The following PDE4A variants were observed in gnomAD, a reference collection of about 807,000 sequenced individuals.
PDE4A encodes the protein 3',5'-cyclic-AMP phosphodiesterase 4A.
In PDE4A, 21 loss-of-function variants were observed where a neutral mutation model predicts 73.9. The observed-to-expected ratio is 0.28, with a 90% CI of 0.20 to 0.41. The LOEUF (loss-of-function observed/expected upper bound fraction) is 0.41. Among genes scored for constraint, PDE4A ranks in the 10% least tolerant of loss-of-function variants. The pLI, the probability that PDE4A is intolerant of heterozygous loss-of-function variation, is 1.00. For missense variants in PDE4A, 958 were observed against 1,211.4 expected (o/e 0.79, Z 3.10); for synonymous variants, 463 against 505.4 (o/e 0.92, Z 1.13).
At position 10,467,159 on chromosome 19, in the gene PDE4A, A is replaced by G. The variant is rs775611306; in HGVS notation, c.2199A>G (p.Ala733=). 5.6e-6 allele frequency: 9 copies of G among 1,614,060 alleles called. No individual in the cohort carries two copies. The highest frequency in any genetic ancestry group is 2.7e-5 in the African/African-American group (2 of 74,928). Residue 733 remains alanine, a synonymous_variant, in exon 15 of 15, where the codon GCA becomes GCG. Transcript: ENST00000380702. ...AGATACCGTGCACAGCCCAAGAGGC[A>G]TTGACTGCGCAGGGATTGTCAGGAG... is the stretch of plus-strand genomic sequence containing the variant. The part of the protein sequence containing the change: ...MAQIPCTAQE[A]LTAQGLSGVE...
In PDE4A at chr19:10,461,908, C is replaced by A; in HGVS notation, c.1652C>A (p.Thr551Asn). Residue 551 changes from threonine to asparagine, a missense_variant, in exon 13 of 15, where the codon ACC becomes AAC. Transcript: ENST00000380702. ...GCCACGGACATGTCCAAGCACATGA[C>A]CCTCCTGGCTGACCTGAAGACCATG... ...VLATDMSKHM[T>N]LLADLKTMVE... 1 of 1,614,018 alleles carries A rather than the reference C, an allele frequency of 6.2e-7. No individual in the cohort carries two copies. Among genetic ancestry groups the A allele is most frequent in the East Asian group, 2.2e-5 (1 of 44,874 alleles).
Position 10,446,159 on chromosome 19 carries a change from C to A in PDE4A, c.321-59C>A, listed in dbSNP as rs573300921. 2.4e-4 allele frequency: 366 copies of A among 1,522,458 alleles called. 4 individuals are homozygous for A. The South Asian group carries it at 3.4e-3, about 14-fold the overall frequency. 94.3% of individuals were successfully genotyped at this position (1,522,458 alleles called of 1,614,324 possible). ...CACCGCACCCGGCCTCCTCATTCCT[C>A]TTGACCTCCCTAATAGCGTTTCAGC... On this transcript the variant is annotated intron_variant, in intron 1 of 14. Coordinates refer to ENST00000380702, the MANE Select transcript of PDE4A (RefSeq NM_001111307.2).
At chr19:10,420,481 C>A (rs1420133916), upstream of PDE4A, 1 of 477,562 alleles carries the variant, frequency 2.1e-6, no homozygotes, top group Non-Finnish European at 2.7e-6. The surrounding 1 kb of genome is among the most constrained non-coding windows in gnomAD (Gnocchi z 6.0). Flanking sequence ...CGGGACGGGG[C>A]GGAGGAGCCG....
At chr19:10,456,345 G>A (rs2043169790) in intron 7 of PDE4A, among the ~76,000 whole-genome samples, 1 of 151,938 alleles carries the variant, frequency 6.6e-6, no homozygotes, top group South Asian at 2.1e-4. Flanking sequence ...GACCAACATG[G>A]TGAAACGCCA....
At chr19:10,460,811 A>G (rs1269139070) in intron 10 of PDE4A, 193 bp from the exon 11 acceptor site, 1 of 191,556 alleles carries the variant, frequency 5.2e-6, no homozygotes, top group Non-Finnish European at 9.6e-6. Context: ...AAAAAAAAAA[A>G]AAAAAGAAAG....
At position 10,467,002 on chromosome 19, in the gene PDE4A, G is replaced by A; in HGVS notation, c.2042G>A (p.Ser681Asn). 1 of 1,614,188 alleles carries A rather than the reference G, an allele frequency of 6.2e-7. No homozygotes were observed. The highest frequency in any genetic ancestry group is 8.5e-7 in the Non-Finnish European group (1 of 1,180,048). ...TLEDNRDWYY[S>N]AIRQSPSPPP... is the part of the protein sequence containing the mutation. ...GAGGACAACCGGGACTGGTACTACA[G>A]CGCCATCCGGCAGAGCCCATCTCCG... Residue 681 changes from serine to asparagine, a missense_variant, in exon 15 of 15, where the codon AGC (serine) becomes AAC (asparagine). Ser to Asn is a conservative substitution (Grantham distance 46). Around this residue, in one of 3 missense-constraint regions of PDE4A, gnomAD observed 570 missense variants for 827.7 expected, o/e 0.69. Transcript: ENST00000380702.
chr19:10,452,045 G>T (rs956556032), intron 6 of PDE4A, among the ~76,000 whole-genome samples: 3 of 151,438 alleles, frequency 2.0e-5, no homozygotes, highest in Non-Finnish European at 4.4e-5. Context: ...GTGTGTGTGT[G>T]TGTGTGTGTG....
Position 10,450,848 on chromosome 19 carries a change from G to A in PDE4A, c.690G>A (p.Leu230=). 6.2e-7 allele frequency: 1 copy of A among 1,611,300 alleles called. No homozygotes were observed. Residue 230 remains leucine (L), a synonymous_variant, in exon 6 of 15, where the codon TTG becomes TTA. Coordinates refer to ENST00000380702, the MANE Select transcript of PDE4A (RefSeq NM_001111307.2). The stretch of plus-strand genomic sequence containing the variant: ...CCTTAGAAGAAACGTGTCAGCAGTT[G>A]GCCCGGGAGACTCTGGAGGAGCTGG... ...ATLSEETCQQ[L]ARETLEELDW...
chr19:10,435,041 A>G (rs2042846609), intron 1 of PDE4A, among the ~76,000 whole-genome samples: 1 of 151,942 alleles, frequency 6.6e-6, no homozygotes, highest in South Asian at 2.1e-4. Context: ...AGTTCTTGTT[A>G]TTATAATCTT....
At chr19:10,437,147 G>A (rs2145490958) in intron 1 of PDE4A, among the ~76,000 whole-genome samples, 1 of 152,080 alleles carries the variant, frequency 6.6e-6, no homozygotes, top group Middle Eastern at 3.4e-3. Context: ...TTGTTTGTTT[G>A]TTTTTTGAGA....
In PDE4A at chr19:10,435,803, G is replaced by T. The variant is rs542220721; in HGVS notation, c.321-10415G>T. Among the ~76,000 whole-genome samples, 4 of 152,252 alleles carry T rather than the reference G, an allele frequency of 2.6e-5. No homozygotes were observed. In the East Asian group the frequency reaches 7.7e-4, roughly 29 times the overall value. On this transcript the variant is annotated intron_variant, in intron 1 of 14. Coordinates refer to ENST00000380702, the MANE Select transcript of PDE4A (RefSeq NM_001111307.2). ...ACCCTGAGCAGTCAGTGGCAAGCCA[G>T]GGAGGGGTGACTCTCCATGGCTCAG...
chr19:10,460,360 G>A (rs561445786), intron 10 of PDE4A, among the ~76,000 whole-genome samples: 1 of 152,112 alleles, frequency 6.6e-6, no homozygotes, highest in East Asian at 1.9e-4. Flanking sequence ...TTAGCCGGGC[G>A]TGGTGGGGCA....
chr19:10,461,404 A>T (rs1471671376), intron 11 of PDE4A, 122 bp from the exon 12 acceptor site: 2 of 1,506,520 alleles, frequency 1.3e-6, no homozygotes, highest in Non-Finnish European at 1.8e-6. Context: ...GGTAGAGCTG[A>T]CTGGGCTGGA....
chr19:10,450,920 C>T lies in PDE4A; in HGVS notation c.762C>T (p.Val254=), dbSNP rs768659316. Residue 254 remains valine, a synonymous_variant, in exon 6 of 15, where the codon GTC becomes GTT. Coordinates refer to ENST00000380702, the MANE Select transcript of PDE4A (RefSeq NM_001111307.2). ...AGACCATGCAGACCTATCGCTCTGT[C>T]AGCGAGATGGCCTCGCACAAGGTGT... ...QLETMQTYRS[V]SEMASHKFKR... 6 of 1,605,576 alleles carry T rather than the reference C, an allele frequency of 3.7e-6. No homozygotes were observed. The African/African-American group carries it at 8.0e-5, about 21-fold the overall frequency.
chr19:10,449,089 A>G lies in PDE4A; in HGVS notation c.559A>G (p.Ser187Gly). ...CCGCTCCCCATCCCAGGTGCTGGCCAGCCTCCGGAGCGTCCGTAGCAACTT... is the reference window on the plus strand; with the variant it reads ...CCGCTCCCCATCCCAGGTGCTGGCCGGCCTCCGGAGCGTCCGTAGCAACTT... ...IVTPFAQVLA[S>G]LRSVRSNFSL... The change falls in exon 4 of 15, where the codon AGC becomes GGC. Residue 187 changes from serine (S) to glycine (G), a missense_variant. Around this residue, in one of 3 missense-constraint regions of PDE4A, gnomAD observed 570 missense variants for 827.7 expected, o/e 0.69. Coordinates refer to ENST00000380702, the MANE Select transcript of PDE4A (RefSeq NM_001111307.2). 6.2e-7 allele frequency: 1 copy of G among 1,613,646 alleles called. No homozygotes were observed. The highest frequency in any genetic ancestry group is 8.5e-7 in the Non-Finnish European group (1 of 1,179,792).
chr19:10,461,768 C>A (rs1441056417), intron 12 of PDE4A, 88 bp downstream of exon 12: 8 of 1,586,008 alleles, frequency 5.0e-6, no homozygotes, highest in East Asian at 2.2e-5. Flanking sequence ...CCCAGAGGAA[C>A]CCTCAACCTG....
chr19:10,431,995 C>T (rs1339146458), intron 1 of PDE4A, among the ~76,000 whole-genome samples: 2 of 152,000 alleles, frequency 1.3e-5, no homozygotes, highest in Admixed American at 6.5e-5. Flanking sequence ...CCCGGCCCCA[C>T]ACTCGAGTCC....
In PDE4A at chr19:10,437,950, G is replaced by A. The variant is rs568273243; in HGVS notation, c.321-8268G>A. Among the ~76,000 whole-genome samples the A allele has an allele frequency of 3.3e-5, 5 of 149,850 alleles. No homozygotes were observed. In the South Asian group the frequency reaches 6.4e-4, roughly 19 times the overall value. ...CTCCTGAGTAGCTGGGACCACAGGC[G>A]CACACCATCATCATGCCTTGCTAAT... On this transcript the variant is annotated intron_variant, in intron 1 of 14. Transcript: ENST00000380702.
chr19:10,422,014 G>A (rs979787448), intron 1 of PDE4A, among the ~76,000 whole-genome samples: 5 of 152,178 alleles, frequency 3.3e-5, no homozygotes, highest in African/African-American at 1.2e-4. Flanking sequence ...GTGACTGTGT[G>A]TTTCTGGGAC....
Sources: allele counts gnomAD v4.1 joint callset (sites outside exome capture counted in the v4.1 genomes callset), GRCh38; gene constraint gnomAD v4.1.1; regional missense constraint gnomAD v4.1.1; non-coding constraint Gnocchi (gnomAD v3.1); transcripts MANE v1.5; gene names NCBI Gene and HGNC (gene_info 2026-07-23, HGNC 2026-07-21).